Variants in NDFIP2 observed in about 807,000 individuals in gnomAD.
NDFIP2 encodes NEDD4 family-interacting protein 2.
A neutral mutation model predicts 36.0 loss-of-function variants in NDFIP2; 19 were observed. The observed-to-expected ratio is 0.53, with a 90% CI of 0.37 to 0.77. NDFIP2 has a LOEUF of 0.77. Ranked by LOEUF, NDFIP2 falls within the 30% of genes least tolerant of loss-of-function variation. The pLI, the probability that NDFIP2 is intolerant of heterozygous loss-of-function variation, is 0.00. For synonymous variants in NDFIP2, 181 were observed against 167.7 expected (o/e 1.08, Z -0.61); for missense variants, 446 against 435.8 (o/e 1.02, Z -0.21).
intron 2 of NDFIP2, among the ~76,000 whole-genome samples, chr13:79,529,754 A>G (rs1412650997): frequency 6.6e-6 from 1 of 152,232 alleles, no homozygotes; most frequent in Non-Finnish European, 1.5e-5. Flanking sequence ...GTATTGCTAG[A>G]GTAAAATGTA....
At position 79,553,085 on chromosome 13, in the gene NDFIP2, T is replaced by G. The variant is rs1354894978; in HGVS notation, c.*572T>G. The G allele has an allele frequency of 6.6e-6, 1 of 151,874 alleles. No homozygotes were observed. Among genetic ancestry groups the G allele is most frequent in the African/African-American group, 2.4e-5 (1 of 41,396 alleles). The allele number at this position is 151,874 out of a possible 1,614,324, so 9.4% of individuals were successfully genotyped here. On this transcript the variant is annotated 3_prime_UTR_variant, in exon 8 of 8. Coordinates refer to ENST00000218652, the MANE Select transcript of NDFIP2 (RefSeq NM_019080.3). ...CATTATTATTTAGGAAAACTCTTCC[T>G]GTAAATAACCATGCATAACTTACTT...
chr13:79,550,499 G>A (rs1005234462), intron 6 of NDFIP2, among the ~76,000 whole-genome samples: 3 of 151,378 alleles, frequency 2.0e-5, no homozygotes, highest in Admixed American at 6.6e-5. Context: ...CATAATGCAC[G>A]TATCTTCAAA....
At chr13:79,483,646 A>G (rs2079827866) in intron 1 of NDFIP2, among the ~76,000 whole-genome samples, 1 of 152,218 alleles carries the variant, frequency 6.6e-6, no homozygotes, top group Admixed American at 6.5e-5. Context: ...TTACTTAAAG[A>G]GTTTAAAAAC....
chr13:79,538,652 G>A (rs1275514547), intron 3 of NDFIP2, among the ~76,000 whole-genome samples: 1 of 151,842 alleles, frequency 6.6e-6, no homozygotes, highest in Non-Finnish European at 1.5e-5. Context: ...GTGTGATCTC[G>A]GCTCACTGCA....
Position 79,539,763 on chromosome 13 carries a change from CT to C in NDFIP2, c.704del (p.Leu235ArgfsTer24). The C allele has an allele frequency of 6.2e-7, 1 of 1,613,494 alleles. No individual in the cohort carries two copies. Among genetic ancestry groups the C allele is most frequent in the Non-Finnish European group, 8.5e-7 (1 of 1,179,610 alleles). ...LRVGNDGIFM[L>X]AFFMAFIFNW... ...AGTGGGGAATGATGGCATTTTCATG[CT>C]GGCATTTTTCAGTAAGTAATCTTCC... is the stretch of plus-strand genomic sequence containing the variant. On this transcript the variant is annotated frameshift_variant, in exon 4 of 8. Transcript: ENST00000218652. LOFTEE classifies it high-confidence loss of function.
Position 79,554,074 on chromosome 13 carries a change from G to A in NDFIP2, c.*1561G>A, listed in dbSNP as rs975490925. The A allele has an allele frequency of 1.3e-5, 2 of 151,366 alleles. No individual in the cohort carries two copies. The highest frequency in any genetic ancestry group is 2.4e-5 in the African/African-American group (1 of 41,352). The allele number at this position is 151,366 out of a possible 1,614,324, so 9.4% of individuals were successfully genotyped here. ...TTCATTGTCTTTGATAAATAAAACA[G>A]TTTTGTTTTGCTAATATAGCCTATT... On this transcript the variant is annotated 3_prime_UTR_variant, in exon 8 of 8. Transcript: ENST00000218652.
At chr13:79,543,296 A>G (rs7337248) in intron 4 of NDFIP2, among the ~76,000 whole-genome samples, 1 of 152,216 alleles carries the variant, frequency 6.6e-6, no homozygotes, top group South Asian at 2.1e-4. Flanking sequence ...AACTGCAGTT[A>G]CAACCATTAA....
intron 2 of NDFIP2, among the ~76,000 whole-genome samples, chr13:79,525,419 TA>T (rs1874753994): frequency 6.6e-6 from 1 of 152,210 alleles, no homozygotes; most frequent in Admixed American, 6.5e-5. Context: ...AACCTCAGCC[TA>T]CGTTTTTTTT....
intron 6 of NDFIP2, 22 bp downstream of exon 6, chr13:79,548,416 T>G (rs771420643): frequency 2.0e-6 from 3 of 1,509,084 alleles, no homozygotes; most frequent in South Asian, 1.2e-5. Context: ...CTTAATGCAT[T>G]TAGTTTAACT....
intron 1 of NDFIP2, among the ~76,000 whole-genome samples, chr13:79,499,457 A>G (rs1456341676): frequency 6.6e-6 from 1 of 151,940 alleles, no homozygotes; most frequent in Non-Finnish European, 1.5e-5. Flanking sequence ...ACAGGAGTTG[A>G]TTATTTAGAA....
At chr13:79,549,857 G>C (rs1875836502) in intron 6 of NDFIP2, among the ~76,000 whole-genome samples, 1 of 151,868 alleles carries the variant, frequency 6.6e-6, no homozygotes, top group African/African-American at 2.4e-5. Context: ...AAAGGAGGGA[G>C]TTAGGATATG....
chr13:79,520,778 A>G (rs1164512400), intron 1 of NDFIP2, 32 bp from the exon 2 acceptor site: 1 of 1,562,804 alleles, frequency 6.4e-7, no homozygotes, highest in South Asian at 1.2e-5. Flanking sequence ...TTAGCATTAC[A>G]TTAATGTTTT....
intron 1 of NDFIP2, among the ~76,000 whole-genome samples, chr13:79,488,283 G>A (rs1278590774): frequency 6.6e-6 from 1 of 152,048 alleles, no homozygotes; most frequent in Non-Finnish European, 1.5e-5. Flanking sequence ...TGGGTTGCCA[G>A]GGTAAATTGC....
chr13:79,507,681 C>T (rs955184370), intron 1 of NDFIP2, among the ~76,000 whole-genome samples: 3 of 151,900 alleles, frequency 2.0e-5, no homozygotes, highest in South Asian at 4.2e-4. Context: ...AATGTCTATT[C>T]GTGGAATACA....
intron 1 of NDFIP2, among the ~76,000 whole-genome samples, chr13:79,505,799 A>T (rs1352949653): frequency 6.6e-6 from 1 of 152,136 alleles, no homozygotes; most frequent in Non-Finnish European, 1.5e-5. Context: ...AAAGAGAAAA[A>T]AAAAAGCCCT....
At chr13:79,531,260 G>C (rs1054343762) in intron 2 of NDFIP2, among the ~76,000 whole-genome samples, 2 of 152,150 alleles carry the variant, frequency 1.3e-5, no homozygotes, top group Non-Finnish European at 2.9e-5. Context: ...GCTATAAACA[G>C]GTGTGCTGTC....
At chr13:79,551,300 CTTTT>C (rs1171338119) in intron 7 of NDFIP2, among the ~76,000 whole-genome samples, 178 bp downstream of exon 7, 2 of 151,282 alleles carry the variant, frequency 1.3e-5, no homozygotes, top group Non-Finnish European at 3.0e-5. Context: ...TTTTAGATAA[CTTTT>C]AGATTTTTAA....
intron 2 of NDFIP2, 33 bp downstream of exon 2, chr13:79,521,008 C>CT (rs59405124): frequency 0.039 from 44,980 of 1,147,142 alleles, 528 homozygotes; most frequent in African/African-American, 0.17. Flanking sequence ...TTTATTAGTT[C>CT]TTTTTTTTTT....
chr13:79,521,823 C>CTT lies in NDFIP2; in HGVS notation c.487+864_487+865dup, dbSNP rs577691451. Reference sequence around the variant, plus strand: ...CTCCTTTTATTTGGTTTTCGTTTTGCTTTTTTTTTTTTTTTTTGAGACGGA... The same window carrying CTT: ...CTCCTTTTATTTGGTTTTCGTTTTGCTTTTTTTTTTTTTTTTTTTGAGACGGA... On this transcript the variant is annotated intron_variant, in intron 2 of 7. Transcript: ENST00000218652. Among the ~76,000 whole-genome samples, 410 of 130,442 alleles carry CTT rather than the reference C, an allele frequency of 3.1e-3. 3 individuals carry two copies. The highest frequency in any genetic ancestry group is 8.7e-3 in the Middle Eastern group (2 of 230). 85.6% of individuals were successfully genotyped at this position (130,442 alleles called of 152,430 possible).
Sources: allele counts gnomAD v4.1 joint callset (sites outside exome capture counted in the v4.1 genomes callset), GRCh38; gene constraint gnomAD v4.1.1; transcripts MANE v1.5; gene names NCBI Gene and HGNC (gene_info 2026-07-23, HGNC 2026-07-21).